SLC17A1: variants seen among roughly 807,000 people sequenced by gnomAD.
SLC17A1 encodes the protein solute carrier family 17 member 1.
SLC17A1 carries 51 observed loss-of-function variants against 53.5 expected under a neutral mutation model. The observed-to-expected ratio is 0.95, with a 90% CI of 0.76 to 1.20. The LOEUF (loss-of-function observed/expected upper bound fraction) is 1.20. Ranked by LOEUF, SLC17A1 falls within the 50% of genes most tolerant of loss-of-function variation. SLC17A1 has a pLI of 0.00. For synonymous variants in SLC17A1, 179 were observed against 198.8 expected (o/e 0.90, Z 0.84); for missense variants, 538 against 568.2 (o/e 0.95, Z 0.54).
At chr6:25,809,360 C>G (rs1764069701) in intron 10 of SLC17A1, among the ~76,000 whole-genome samples, 2 of 151,960 alleles carry the variant, frequency 1.3e-5, no homozygotes, top group Admixed American at 1.3e-4. Context: ...ATTCACTTAA[C>G]AAAACTGTAT....
chr6:25,777,020 CT>C, the SLC17A1 span: 1 of 1,531,540 alleles, frequency 6.5e-7, no homozygotes, highest in Non-Finnish European at 8.8e-7. Flanking sequence ...AGCCCTAAAT[CT>C]ACTCTGATGT....
chr6:25,826,647 CAG>C lies in SLC17A1; in HGVS notation c.35-16_35-15del. ...AGAAACCTGGAACTACAAAGTAAAA[CAG>C]AAAGTCGCAATTGCTGACAGAGCTG... On this transcript the variant is annotated splice_polypyrimidine_tract_variant and intron_variant, in intron 2 of 12. Coordinates refer to ENST00000244527, the MANE Select transcript of SLC17A1 (RefSeq NM_005074.5). 2 of 1,538,864 alleles carry C rather than the reference CAG, an allele frequency of 1.3e-6. No homozygotes were observed. The highest frequency in any genetic ancestry group is 2.8e-5 in the African/African-American group (2 of 72,070).
At chr6:25,732,485 T>C in the SLC17A1 span, 2 of 378,488 alleles carry the variant, frequency 5.3e-6, no homozygotes, top group South Asian at 2.3e-5. Context: ...GTACGCGCTA[T>C]TCATTCAGAG....
intron 2 of SLC17A1, among the ~76,000 whole-genome samples, chr6:25,829,853 A>C (rs1160880244): frequency 6.6e-6 from 1 of 152,218 alleles, no homozygotes; most frequent in Non-Finnish European, 1.5e-5. Flanking sequence ...TAAGGGCAGA[A>C]ATGAATAATA....
intron 1 of SLC17A1, among the ~76,000 whole-genome samples, chr6:25,831,018 G>T (rs911190469): frequency 1.3e-5 from 2 of 152,194 alleles, no homozygotes; most frequent in Non-Finnish European, 2.9e-5. Context: ...TGTCAGAAAA[G>T]GAGTAAGCAA....
At chr6:25,770,689 C>G in the SLC17A1 span, among the ~76,000 whole-genome samples, 1 of 152,268 alleles carries the variant, frequency 6.6e-6, no homozygotes, top group Non-Finnish European at 1.5e-5. Context: ...TCATCTTATC[C>G]TCAAAATAAT....
At chr6:25,730,197 A>G in the SLC17A1 span, among the ~76,000 whole-genome samples, 1 of 152,340 alleles carries the variant, frequency 6.6e-6, no homozygotes, top group East Asian at 1.9e-4. Context: ...TCTCAAAGAG[A>G]TATCTGTACT....
intron 10 of SLC17A1, among the ~76,000 whole-genome samples, chr6:25,806,253 T>A (rs538335156): frequency 6.6e-6 from 1 of 152,086 alleles, no homozygotes; most frequent in South Asian, 2.1e-4. Flanking sequence ...ATGTGATATA[T>A]AACATAAAGA....
chr6:25,792,695 G>A (rs951061876), intron 12 of SLC17A1, among the ~76,000 whole-genome samples: 2 of 152,092 alleles, frequency 1.3e-5, no homozygotes, highest in African/African-American at 4.8e-5. Flanking sequence ...TTCCAATCTC[G>A]TAATAAACAC....
chr6:25,789,798 A>T (rs1763462168), intron 12 of SLC17A1, among the ~76,000 whole-genome samples: 1 of 151,936 alleles, frequency 6.6e-6, no homozygotes, highest in African/African-American at 2.4e-5. Flanking sequence ...TAAATGCAAC[A>T]TGAAATTCTG....
chr6:25,777,564 AAAC>A, the SLC17A1 span: 5,646 of 161,998 alleles, frequency 0.035, 183 homozygotes, highest in African/African-American at 0.089. Flanking sequence ...GCAGAAGCCA[AAAC>A]AACAACAACA....
At chr6:25,749,518 A>T in the SLC17A1 span, among the ~76,000 whole-genome samples, 1 of 152,250 alleles carries the variant, frequency 6.6e-6, no homozygotes. Flanking sequence ...TTGAAAATAA[A>T]ACTCAATACA....
the SLC17A1 span, chr6:25,769,985 T>A: frequency 8.4e-7 from 1 of 1,185,584 alleles, no homozygotes; most frequent in Non-Finnish European, 1.2e-6. Context: ...AACTGCCAAT[T>A]AATTTTTGCC....
chr6:25,815,625 G>A (rs923449465), intron 6 of SLC17A1, among the ~76,000 whole-genome samples: 3 of 151,748 alleles, frequency 2.0e-5, no homozygotes, highest in African/African-American at 7.3e-5. Flanking sequence ...TCCTAACTAC[G>A]TGCTTCAAGA....
chr6:25,744,449 A>C, the SLC17A1 span, among the ~76,000 whole-genome samples: 4 of 152,196 alleles, frequency 2.6e-5, no homozygotes, highest in Non-Finnish European at 5.9e-5. Flanking sequence ...GGCTCAAATG[A>C]ATGCAATCTT....
the SLC17A1 span, chr6:25,726,547 G>T: frequency 1.3e-6 from 2 of 1,593,388 alleles, no homozygotes; most frequent in Non-Finnish European, 1.7e-6. Flanking sequence ...TCAAATTGCA[G>T]CAACACGAGA....
the SLC17A1 span, among the ~76,000 whole-genome samples, chr6:25,747,614 A>T: frequency 0.049 from 7,484 of 152,294 alleles, 269 homozygotes; most frequent in Non-Finnish European, 0.07. Flanking sequence ...CACCAACGGG[A>T]TGAGATTAGG....
At chr6:25,782,330 A>C (rs140595143), downstream of SLC17A1, among the ~76,000 whole-genome samples, 8 of 152,330 alleles carry the variant, frequency 5.3e-5, no homozygotes, top group East Asian at 1.5e-3. Flanking sequence ...CATTTATGAC[A>C]GTTTCCTCTA....
the SLC17A1 span, among the ~76,000 whole-genome samples, chr6:25,747,917 A>G: frequency 3.3e-5 from 5 of 152,302 alleles, no homozygotes; most frequent in Non-Finnish European, 7.4e-5. Flanking sequence ...CCTAGGATAT[A>G]TTGACATTTG....
Sources: allele counts gnomAD v4.1 joint callset (sites outside exome capture counted in the v4.1 genomes callset), GRCh38; gene constraint gnomAD v4.1.1; transcripts MANE v1.5; gene names NCBI Gene and HGNC (gene_info 2026-07-23, HGNC 2026-07-21).